Variants in CRACR2A observed in about 807,000 individuals in gnomAD.
CRACR2A encodes the protein EF-hand calcium-binding domain-containing protein 4B.
Under a neutral mutation model 90.5 loss-of-function variants are expected in CRACR2A, and 79 were observed. The observed-to-expected ratio is 0.87, with a 90% confidence interval of 0.73 to 1.05. The LOEUF (loss-of-function observed/expected upper bound fraction) is 1.05. CRACR2A is among the 50% of genes least tolerant of loss of function. CRACR2A has a pLI of 0.00. For synonymous variants in CRACR2A, 338 were observed against 356.7 expected, an observed-to-expected ratio of 0.95 and a Z score of 0.59; for missense variants, 823 against 897.2, an observed-to-expected ratio of 0.92 and a Z score of 1.06.
At chr12:3,619,970 C>A (rs1944102406) in intron 17 of CRACR2A, among the ~76,000 whole-genome samples, 1 of 152,274 alleles carries the variant, frequency 6.6e-6, no homozygotes, top group South Asian at 2.1e-4. Context: ...GCACCACAGA[C>A]CCCTGTCACT....
chr12:3,744,972 G>A (rs560604342), intron 1 of CRACR2A, among the ~76,000 whole-genome samples: 5 of 152,280 alleles, frequency 3.3e-5, no homozygotes, highest in African/African-American at 1.2e-4. Flanking sequence ...ATGAAACAGT[G>A]AAGATCCAAA....
chr12:3,740,341 TC>T (rs1946505819), intron 1 of CRACR2A, among the ~76,000 whole-genome samples: 1 of 147,854 alleles, frequency 6.8e-6, no homozygotes, highest in African/African-American at 2.5e-5. Flanking sequence ...TGGCAACACT[TC>T]CGGGGAAACA....
intron 4 of CRACR2A, among the ~76,000 whole-genome samples, chr12:3,696,212 T>A (rs1211056666): frequency 1.3e-5 from 2 of 152,238 alleles, no homozygotes; most frequent in African/African-American, 4.8e-5. Context: ...GGAAAATATT[T>A]ATTCTCTGGA....
intron 13 of CRACR2A, among the ~76,000 whole-genome samples, chr12:3,641,059 G>T (rs758836035): frequency 1.3e-5 from 2 of 152,172 alleles, no homozygotes; most frequent in Non-Finnish European, 2.9e-5. Context: ...AAAACCAAGT[G>T]CATTGGCCGG....
chr12:3,673,660 A>G, intron 6 of CRACR2A, 68 bp from the exon 7 acceptor site: 1 of 1,566,928 alleles, frequency 6.4e-7, no homozygotes, highest in Non-Finnish European at 8.6e-7. Context: ...AGAGGTTCCC[A>G]GACAGGAAAC....
At chr12:3,679,339 G>A (rs1003073767) in intron 5 of CRACR2A, among the ~76,000 whole-genome samples, 2 of 152,160 alleles carry the variant, frequency 1.3e-5, no homozygotes, top group African/African-American at 4.8e-5. Context: ...ATGTAAGACG[G>A]ATACGGTGTC....
chr12:3,640,591 A>G (rs571736780), intron 13 of CRACR2A: 41 of 1,293,772 alleles, frequency 3.2e-5, no homozygotes, highest in Admixed American at 9.3e-5. Context: ...CCCAAATTGT[A>G]TCTCATTATT....
chr12:3,655,718 A>T (rs1944891769), intron 9 of CRACR2A, among the ~76,000 whole-genome samples: 1 of 152,204 alleles, frequency 6.6e-6, no homozygotes, highest in Admixed American at 6.5e-5. Context: ...TGCCCTGCAG[A>T]GGGCACCACC....
intron 3 of CRACR2A, among the ~76,000 whole-genome samples, chr12:3,703,141 T>A (rs2049053817): frequency 6.6e-6 from 1 of 152,184 alleles, no homozygotes; most frequent in Admixed American, 6.5e-5. Context: ...CAGGCTGGAG[T>A]GCAGTGGCGC....
At chr12:3,720,322 A>G (rs1946141773) in intron 2 of CRACR2A, among the ~76,000 whole-genome samples, 1 of 145,936 alleles carries the variant, frequency 6.9e-6, no homozygotes. Context: ...AAAGAAAGAG[A>G]GACAGAAAGA....
rs1027959602 is a variant in CRACR2A at position 3,753,016 on chromosome 12, T to G, written c.-388A>C. ...ACCCTCAACCTTCCTCCACGTTACC[T>G]TGGGCGTGTAGGCTTCCCGTGGACC... On this transcript the variant is annotated splice_region_variant and 5_prime_UTR_variant, in exon 1 of 20. Coordinates refer to ENST00000440314, the MANE Select transcript of CRACR2A (RefSeq NM_001144958.2). The G allele has an allele frequency of 2.0e-5, 3 of 152,406 alleles. No individual in the cohort carries two copies. Among genetic ancestry groups the G allele is most frequent in the African/African-American group, 4.8e-5 (2 of 41,452 alleles). The allele number at this position is 152,406 out of a possible 1,614,324, so 9.4% of individuals were successfully genotyped here. A position where few individuals can be genotyped will look rare whatever the true frequency, so the allele number is the denominator to read the frequency against.
chr12:3,751,716 C>G (rs1946707091), intron 1 of CRACR2A, among the ~76,000 whole-genome samples: 1 of 152,118 alleles, frequency 6.6e-6, no homozygotes, highest in South Asian at 2.1e-4. Flanking sequence ...AGTAACCTCC[C>G]TCCTCCAAAC....
chr12:3,657,083 C>A (rs182219717), intron 8 of CRACR2A, among the ~76,000 whole-genome samples: 3 of 152,320 alleles, frequency 2.0e-5, no homozygotes, highest in Non-Finnish European at 2.9e-5. Context: ...TGTGGGCTAT[C>A]AGGTGCCTGA....
chr12:3,660,274 CA>C (rs1945005357), intron 7 of CRACR2A, among the ~76,000 whole-genome samples: 1 of 152,118 alleles, frequency 6.6e-6, no homozygotes, highest in African/African-American at 2.4e-5. Flanking sequence ...CCCCCCACCA[CA>C]AAGCAAAAGC....
intron 2 of CRACR2A, among the ~76,000 whole-genome samples, chr12:3,713,570 G>A (rs1319149271): frequency 6.6e-6 from 1 of 152,130 alleles, no homozygotes; most frequent in Non-Finnish European, 1.5e-5. Context: ...ATGGGAGCAG[G>A]CCCTTGTGCA....
intron 11 of CRACR2A, among the ~76,000 whole-genome samples, chr12:3,646,976 G>A (rs1382706438): frequency 2.6e-5 from 4 of 152,170 alleles, no homozygotes; most frequent in African/African-American, 4.8e-5. Flanking sequence ...GGTTGGTTAA[G>A]TCAACTGCCC....
At chr12:3,640,852 C>T in intron 13 of CRACR2A, 1 of 1,293,780 alleles carries the variant, frequency 7.7e-7, no homozygotes, top group Non-Finnish European at 1.0e-6. Context: ...AGCAATGAGC[C>T]AACCCTTGGG....
intron 4 of CRACR2A, 89 bp downstream of exon 4, chr12:3,696,683 G>A: frequency 6.4e-7 from 1 of 1,566,452 alleles, no homozygotes; most frequent in Non-Finnish European, 8.7e-7. Context: ...TTCTGTTAAG[G>A]ATGTCACCTC....
Position 3,621,648 on chromosome 12 carries a change from C to CAAAAAAAAA in CRACR2A, c.1933-2285_1933-2277dup, listed in dbSNP as rs557648607. ...CCTCAGTGACAGAGAGAGACTCTGT[C>CAAAAAAAAA]AAAAAAAAAAAAAAAAAAAAAAAAA... On this transcript the variant is annotated intron_variant, in intron 17 of 19. Coordinates refer to ENST00000440314, the MANE Select transcript of CRACR2A (RefSeq NM_001144958.2). 1.7e-3 allele frequency among the ~76,000 whole-genome samples: 25 copies of CAAAAAAAAA among 14,582 alleles called. 3 individuals are homozygous for CAAAAAAAAA. The highest frequency in any genetic ancestry group is 4.0e-3 in the African/African-American group (15 of 3,772). The allele number at this position is 14,582 out of a possible 152,430, so 9.6% of individuals were successfully genotyped here.
Sources: gnomAD v4.1 joint callset for allele counts (sites outside exome capture counted in the v4.1 genomes callset) on GRCh38, gnomAD v4.1.1 for gene constraint, MANE v1.5 for transcripts, NCBI Gene and HGNC (gene_info 2026-07-23, HGNC 2026-07-21) for gene names.